ACYP2: variants seen among roughly 807,000 people sequenced by gnomAD.
The protein encoded by ACYP2 is acylphosphatase-2.
Under a neutral mutation model 11.2 loss-of-function variants are expected in ACYP2, and 12 were observed. That is an observed-to-expected ratio of 1.08 (90% confidence interval 0.69 to 1.74). ACYP2 has a LOEUF of 1.74. ACYP2 is among the 40% of genes most tolerant of loss of function. The pLI, the probability that ACYP2 is intolerant of heterozygous loss-of-function variation, is 0.00. For synonymous variants in ACYP2, 43 were observed against 32.2 expected (o/e 1.33, Z -1.13); for missense variants, 134 against 101.9 (o/e 1.31, Z -1.35).
intron 6 of ACYP2, among the ~76,000 whole-genome samples, chr2:54,279,562 C>T (rs915905717): frequency 2.2e-4 from 34 of 151,726 alleles, no homozygotes; most frequent in Middle Eastern, 3.2e-3. Flanking sequence ...AACAGAATTC[C>T]CAGAACCCCC....
chr2:54,301,099 C>T (rs1689707395), intron 6 of ACYP2, among the ~76,000 whole-genome samples: 1 of 152,082 alleles, frequency 6.6e-6, no homozygotes, highest in Admixed American at 6.5e-5. Flanking sequence ...TTTTCAAGTA[C>T]CATTTGTATA....
chr2:53,980,921 T>C (rs1671724058), intron 2 of ACYP2, among the ~76,000 whole-genome samples: 1 of 152,074 alleles, frequency 6.6e-6, no homozygotes, highest in South Asian at 2.1e-4. Context: ...TCCTGCTAAT[T>C]TTCTATTTTT....
At chr2:53,995,794 G>T (rs1009703951) in intron 2 of ACYP2, among the ~76,000 whole-genome samples, 5 of 152,080 alleles carry the variant, frequency 3.3e-5, no homozygotes, top group Non-Finnish European at 7.4e-5. Context: ...TTTGTAGGGT[G>T]TAACTTCCCA....
At chr2:54,155,697 A>G (rs1682399584) in intron 6 of ACYP2, among the ~76,000 whole-genome samples, 1 of 152,314 alleles carries the variant, frequency 6.6e-6, no homozygotes, top group East Asian at 1.9e-4. Flanking sequence ...GCATAGAGCC[A>G]TTTATTGCTA....
chr2:54,075,177 A>G (rs183117857), intron 4 of ACYP2, among the ~76,000 whole-genome samples: 80 of 152,294 alleles, frequency 5.3e-4, no homozygotes, highest in African/African-American at 1.8e-3. Context: ...TAGGCTATTA[A>G]CAGATTTAGT....
chr2:53,993,921 C>G (rs1280602513), intron 2 of ACYP2, among the ~76,000 whole-genome samples: 1 of 152,080 alleles, frequency 6.6e-6, no homozygotes, highest in Non-Finnish European at 1.5e-5. Flanking sequence ...CACGGTGGTT[C>G]ACGCCTGTAA....
intron 6 of ACYP2, among the ~76,000 whole-genome samples, chr2:54,279,262 T>G (rs1297882575): frequency 3.3e-5 from 5 of 152,178 alleles, no homozygotes. Flanking sequence ...GTAAATCAAG[T>G]TGTACTGGAA....
intron 2 of ACYP2, among the ~76,000 whole-genome samples, chr2:53,992,364 A>G (rs1553349665): frequency 6.6e-6 from 1 of 152,278 alleles, no homozygotes; most frequent in South Asian, 2.1e-4. Flanking sequence ...ATATAAATTG[A>G]TTTAAACTTT....
chr2:54,062,122 G>A (rs936854104), intron 4 of ACYP2, among the ~76,000 whole-genome samples: 41 of 152,292 alleles, frequency 2.7e-4, no homozygotes, highest in African/African-American at 9.1e-4. Context: ...GTCTCATAGA[G>A]CTCTAGCCAG....
intron 6 of ACYP2, among the ~76,000 whole-genome samples, chr2:54,199,155 C>G (rs1319066799): frequency 6.6e-6 from 1 of 152,198 alleles, no homozygotes; most frequent in South Asian, 2.1e-4. Context: ...GCCCATCAGC[C>G]CTGTGAACGG....
chr2:54,177,662 G>T (rs973291309), intron 6 of ACYP2, among the ~76,000 whole-genome samples: 3 of 145,294 alleles, frequency 2.1e-5, no homozygotes, highest in African/African-American at 7.7e-5. Context: ...ACTGCAACCT[G>T]TGCCTCCCAG....
At position 54,090,635 on chromosome 2, in the gene ACYP2, CA is replaced by C. The variant is rs1365462898; in HGVS notation, c.277+33279del. On this transcript the variant is annotated intron_variant, in intron 4 of 6. Coordinates refer to ENST00000607452, the MANE Select transcript of ACYP2 (RefSeq NM_001320586.2). ...AACAGAGTGAGACTCCGTCTCAAAA[CA>C]AAACAAAATGAAACGGTGTTTCCTC... is the stretch of plus-strand genomic sequence containing the variant. Among the ~76,000 whole-genome samples the C allele has an allele frequency of 2.6e-5, 4 of 152,252 alleles. No individual in the cohort carries two copies. The East Asian group carries it at 7.7e-4, about 29-fold the overall frequency.
At chr2:54,286,940 A>C (rs896799150) in intron 6 of ACYP2, among the ~76,000 whole-genome samples, 3 of 152,088 alleles carry the variant, frequency 2.0e-5, no homozygotes, top group Non-Finnish European at 4.4e-5. Context: ...GTATTTGTGA[A>C]TGAATGACTT....
At position 54,304,846 on chromosome 2, in the gene ACYP2, G is replaced by A; in HGVS notation, c.*44G>A. On this transcript the variant is annotated 3_prime_UTR_variant, in exon 7 of 7. Transcript: ENST00000607452. ...ACACACTGAACAATAGATACTGTATGTTCTTAAGACTATGTATACTAGAAT... is the reference window on the plus strand; with the variant it reads ...ACACACTGAACAATAGATACTGTATATTCTTAAGACTATGTATACTAGAAT... 1 of 1,121,612 alleles carries A rather than the reference G, an allele frequency of 8.9e-7. No individual in the cohort carries two copies. The highest frequency in any genetic ancestry group is 1.3e-6 in the Non-Finnish European group (1 of 767,266). The allele number at this position is 1,121,612 out of a possible 1,614,324, so 69.5% of individuals were successfully genotyped here. A position where few individuals can be genotyped will look rare whatever the true frequency, so the allele number is the denominator to read the frequency against.
In ACYP2 at chr2:54,037,180, T is replaced by C. The variant is rs576412021; in HGVS notation, c.63-13778T>C. Among the ~76,000 whole-genome samples, 37 of 152,146 alleles carry C rather than the reference T, an allele frequency of 2.4e-4. 1 individual carries two copies. The East Asian group carries it at 6.8e-3, about 28-fold the overall frequency. On this transcript the variant is annotated intron_variant, in intron 2 of 6. Transcript: ENST00000607452. ...CAGGTTGGAGTGCAGTGGTGCAATC[T>C]TGGCTCACTAGAACCTCTGCCTCCC...
chr2:54,115,671 G>C, intron 4 of ACYP2: 1 of 1,606,666 alleles, frequency 6.2e-7, no homozygotes. Flanking sequence ...CCCCTCTCCG[G>C]CTCCTCAACA....
chr2:54,025,781 A>C (rs1379031718), intron 2 of ACYP2, among the ~76,000 whole-genome samples: 2 of 152,194 alleles, frequency 1.3e-5, no homozygotes, highest in African/African-American at 4.8e-5. Context: ...TGCACAGCAA[A>C]AGAAATAATC....
intron 6 of ACYP2, among the ~76,000 whole-genome samples, chr2:54,160,561 C>T (rs118076192): frequency 2.0e-5 from 3 of 152,262 alleles, no homozygotes; most frequent in East Asian, 3.9e-4. Flanking sequence ...GTACCTGGCA[C>T]ATAGAGTGAA....
intron 2 of ACYP2, among the ~76,000 whole-genome samples, chr2:54,016,564 G>T (rs548239306): frequency 1.3e-5 from 2 of 152,192 alleles, no homozygotes; most frequent in African/African-American, 2.4e-5. Flanking sequence ...TTTTATATAA[G>T]TGAGTGTTCT....
Sources: gnomAD v4.1 joint callset for allele counts (sites outside exome capture counted in the v4.1 genomes callset) on GRCh38, gnomAD v4.1.1 for gene constraint, MANE v1.5 for transcripts, NCBI Gene and HGNC (gene_info 2026-07-23, HGNC 2026-07-21) for gene names.